FA2H: variants seen among roughly 807,000 people sequenced by gnomAD.
The protein encoded by FA2H is fatty acid 2-hydroxylase, also known as fatty acid alpha-hydroxylase.
FA2H carries 22 observed loss-of-function variants against 44.9 expected under a neutral mutation model. The ratio of observed to expected loss-of-function variants is 0.49; its 90% CI spans 0.35 to 0.70. FA2H has a LOEUF of 0.70. Ranked by LOEUF, FA2H falls within the 30% of genes least tolerant of loss-of-function variation. The pLI is 0.01. For synonymous variants in FA2H, 243 were observed against 213.2 expected (o/e 1.14, Z -1.22); for missense variants, 501 against 504.9 (o/e 0.99, Z 0.07).
intron 3 of FA2H, 37 bp downstream of exon 3, chr16:74,727,207 G>A (rs373685646): frequency 6.2e-7 from 1 of 1,613,574 alleles, no homozygotes; most frequent in Non-Finnish European, 8.5e-7. Context: ...CGTCAGAAGA[G>A]AGGGACAGCC....
At chr16:74,729,825 C>T (rs1267772329) in intron 2 of FA2H, among the ~76,000 whole-genome samples, 1 of 151,952 alleles carries the variant, frequency 6.6e-6, no homozygotes, top group East Asian at 1.9e-4. Flanking sequence ...ATCTGCCACA[C>T]ACAATCGGAG....
At position 74,719,312 on chromosome 16, in the gene FA2H, C is replaced by G. The variant is rs1961779193; in HGVS notation, c.614-152G>C. The G allele has an allele frequency of 2.5e-5, 17 of 680,274 alleles. 1 individual carries two copies. In the Middle Eastern group the frequency reaches 2.0e-3, roughly 81 times the overall value. The allele number at this position is 680,274 out of a possible 1,614,324, so 42.1% of individuals were successfully genotyped here. On this transcript the variant is annotated intron_variant, in intron 4 of 6. Coordinates refer to ENST00000219368, the MANE Select transcript of FA2H (RefSeq NM_024306.5). ...GGCCATACTGCTGGGGTCCTTGAGT[C>G]AAAATGGGAAGGAGGCTGTAGGACT...
Position 74,742,239 on chromosome 16 carries a change from C to T in FA2H, c.271-2124G>A, listed in dbSNP as rs114310225. 5.0e-3 allele frequency among the ~76,000 whole-genome samples: 766 copies of T among 152,288 alleles called. 12 individuals carry two copies. The highest frequency in any genetic ancestry group is 0.018 in the African/African-American group (737 of 41,566). Reference sequence around the variant, plus strand: ...TGGGCCTGGCTGTGGGGGCGAAGCCCTGAAGCTCTGCAGGACTCACACTCC... The same window carrying T: ...TGGGCCTGGCTGTGGGGGCGAAGCCTTGAAGCTCTGCAGGACTCACACTCC... On this transcript the variant is annotated intron_variant, in intron 1 of 6. Transcript: ENST00000219368.
At chr16:74,715,074 G>C (rs1389308780) in intron 6 of FA2H, among the ~76,000 whole-genome samples, 1 of 152,002 alleles carries the variant, frequency 6.6e-6, no homozygotes, top group South Asian at 2.1e-4. Context: ...CTGACCTCAG[G>C]TGATCTGCCC....
At chr16:74,730,347 T>C (rs954820029) in intron 2 of FA2H, among the ~76,000 whole-genome samples, 1 of 152,118 alleles carries the variant, frequency 6.6e-6, no homozygotes, top group African/African-American at 2.4e-5. Flanking sequence ...CTTCTCAGGC[T>C]GGAAGATGAT....
chr16:74,752,812 G>C (rs1962551644), intron 1 of FA2H, among the ~76,000 whole-genome samples: 1 of 152,166 alleles, frequency 6.6e-6, no homozygotes, highest in Non-Finnish European at 1.5e-5. Context: ...CCCTGACCAG[G>C]GTAAGTGTCC....
intron 4 of FA2H, among the ~76,000 whole-genome samples, chr16:74,724,165 G>C (rs997946966): frequency 6.6e-6 from 1 of 152,218 alleles, no homozygotes; most frequent in Non-Finnish European, 1.5e-5. Flanking sequence ...GCCTCCCAAA[G>C]TGCTGGGATT....
rs1405471831 is a variant in FA2H at position 74,773,209 on chromosome 16, T to C, written c.270+1277A>G. Among the ~76,000 whole-genome samples the C allele has an allele frequency of 2.6e-5, 4 of 152,100 alleles. No individual in the cohort carries two copies. In the East Asian group the frequency reaches 7.7e-4, roughly 29 times the overall value. ...TCATCTTACATTATCACAAGAAGAGTGAGTACAGTACTATAAGATGTTTTG... is the reference window on the plus strand; with the variant it reads ...TCATCTTACATTATCACAAGAAGAGCGAGTACAGTACTATAAGATGTTTTG... On this transcript the variant is annotated intron_variant, in intron 1 of 6. Transcript: ENST00000219368.
chr16:74,737,038 A>G (rs187671062), intron 2 of FA2H, among the ~76,000 whole-genome samples: 1 of 152,312 alleles, frequency 6.6e-6, no homozygotes, highest in East Asian at 1.9e-4. Context: ...GGCTCAGTAC[A>G]AGAGATGTGA....
intron 4 of FA2H, among the ~76,000 whole-genome samples, chr16:74,724,438 G>A (rs535614474): frequency 5.3e-5 from 8 of 152,276 alleles, no homozygotes; most frequent in East Asian, 1.9e-4. Context: ...TTTCATGTGC[G>A]CATCTAGGAA....
chr16:74,746,376 TTA>T (rs199914096), intron 1 of FA2H, among the ~76,000 whole-genome samples: 15,159 of 103,250 alleles, frequency 0.15, 1,008 homozygotes, highest in Middle Eastern at 0.22. Context: ...ATTATTATTA[TTA>T]TTTTTTTTTT....
At chr16:74,717,478 G>C (rs971096548) in intron 5 of FA2H, among the ~76,000 whole-genome samples, 17 of 152,204 alleles carry the variant, frequency 1.1e-4, no homozygotes, top group African/African-American at 3.9e-4. Flanking sequence ...AGCCCTGATT[G>C]GTAGTGTTTG....
intron 4 of FA2H, chr16:74,725,967 C>CT (rs1961944822): frequency 8.8e-6 from 4 of 453,114 alleles, no homozygotes; most frequent in South Asian, 6.4e-5. Flanking sequence ...CTCTCTCTCT[C>CT]TTTTTTTATT....
rs560790549 is a variant in FA2H, at chr16:74,756,177, A to G, written c.271-16062T>C. ...GTCCTAGCCTTGGTCATCCACGCACACGTGGAATCTGGCCTGCAGGCCTCC... is the reference window on the plus strand; with the variant it reads ...GTCCTAGCCTTGGTCATCCACGCACGCGTGGAATCTGGCCTGCAGGCCTCC... On this transcript the variant is annotated intron_variant, in intron 1 of 6. Transcript: ENST00000219368. 5.3e-5 allele frequency among the ~76,000 whole-genome samples: 8 copies of G among 152,308 alleles called. No individual in the cohort carries two copies. In the South Asian group the frequency reaches 1.7e-3, roughly 32 times the overall value.
At chr16:74,763,339 C>A (rs953840086) in intron 1 of FA2H, among the ~76,000 whole-genome samples, 2 of 152,048 alleles carry the variant, frequency 1.3e-5, no homozygotes, top group African/African-American at 2.4e-5. Flanking sequence ...TTCACTGCAA[C>A]CTCAGCCTCC....
At position 74,754,584 on chromosome 16, in the gene FA2H, T is replaced by C. The variant is rs192848725; in HGVS notation, c.271-14469A>G. ...GCTCTGTCACACAGGCTGGAATGCA[T>C]TGACGTGATCTCAGCTCACTGAGAC... On this transcript the variant is annotated intron_variant, in intron 1 of 6. Coordinates refer to ENST00000219368, the MANE Select transcript of FA2H (RefSeq NM_024306.5). Among the ~76,000 whole-genome samples the C allele has an allele frequency of 2.6e-5, 4 of 151,962 alleles. No individual in the cohort carries two copies. In the South Asian group the frequency reaches 8.4e-4, roughly 32 times the overall value.
intron 2 of FA2H, among the ~76,000 whole-genome samples, chr16:74,736,520 T>C (rs1962183838): frequency 6.6e-6 from 1 of 152,204 alleles, no homozygotes; most frequent in African/African-American, 2.4e-5. Context: ...TATGGCCAAC[T>C]TCAATAGCCT....
intron 1 of FA2H, among the ~76,000 whole-genome samples, chr16:74,753,907 A>G (rs1962570626): frequency 1.3e-5 from 2 of 152,228 alleles, no homozygotes; most frequent in African/African-American, 2.4e-5. Flanking sequence ...TTTTAAAAAT[A>G]TAATCTACGC....
At chr16:74,757,817 G>A (rs192341281) in intron 1 of FA2H, among the ~76,000 whole-genome samples, 35 of 152,228 alleles carry the variant, frequency 2.3e-4, no homozygotes, top group Non-Finnish European at 4.0e-4. Flanking sequence ...AGGAGTTTGA[G>A]ACCAGCCTGG....
Sources: allele counts gnomAD v4.1 joint callset (sites outside exome capture counted in the v4.1 genomes callset), GRCh38; gene constraint gnomAD v4.1.1; transcripts MANE v1.5; gene names NCBI Gene and HGNC (gene_info 2026-07-23, HGNC 2026-07-21).